The following JAZF1 variants were observed in gnomAD, a reference collection of about 807,000 sequenced individuals.
JAZF1 encodes the protein juxtaposed with another zinc finger protein 1.
Under a neutral mutation model 26.4 loss-of-function variants are expected in JAZF1, and 8 were observed. The observed-to-expected ratio is 0.30, with a 90% CI of 0.18 to 0.55. The LOEUF is 0.55. Ranked by LOEUF, JAZF1 falls within the 20% of genes least tolerant of loss-of-function variation. The pLI is 0.94. For synonymous variants in JAZF1, 126 were observed against 122.3 expected, an observed-to-expected ratio of 1.03 and a Z score of -0.20; for missense variants, 199 against 322.0, an observed-to-expected ratio of 0.62 and a Z score of 2.92.
intron 2 of JAZF1, among the ~76,000 whole-genome samples, chr7:27,985,910 A>G (rs1785690013): frequency 6.6e-6 from 1 of 152,212 alleles, no homozygotes; most frequent in Non-Finnish European, 1.5e-5. Flanking sequence ...ACAGCCCTTT[A>G]TGCTAAAAAC....
At chr7:27,883,230 C>T (rs967000334) in intron 3 of JAZF1, among the ~76,000 whole-genome samples, 1 of 152,032 alleles carries the variant, frequency 6.6e-6, no homozygotes. Flanking sequence ...TTTTTTTGGC[C>T]AATGCAGAGA....
intron 3 of JAZF1, among the ~76,000 whole-genome samples, chr7:27,855,936 C>T (rs949675744): frequency 1.3e-5 from 2 of 152,188 alleles, no homozygotes; most frequent in African/African-American, 2.4e-5. Context: ...GCCAACGTCC[C>T]TGTTGAACAT....
chr7:27,843,810 T>G (rs559164299), intron 3 of JAZF1: 13 of 152,368 alleles, frequency 8.5e-5, no homozygotes, highest in Middle Eastern at 3.4e-3. Context: ...CTGTGTGCAC[T>G]AAGGCTGTTG....
At chr7:28,094,069 C>A (rs1042891599) in intron 1 of JAZF1, among the ~76,000 whole-genome samples, 2 of 152,170 alleles carry the variant, frequency 1.3e-5, no homozygotes, top group African/African-American at 4.8e-5. Flanking sequence ...TTATTTCAGA[C>A]AGTGATAAAT....
chr7:28,126,303 A>G (rs1782691938), intron 1 of JAZF1, among the ~76,000 whole-genome samples: 2 of 152,236 alleles, frequency 1.3e-5, no homozygotes, highest in South Asian at 4.1e-4. Context: ...TGAATTAGAA[A>G]AAGTTCCTAC....
At chr7:28,004,385 T>C (rs569030499) in intron 1 of JAZF1, among the ~76,000 whole-genome samples, 8 of 151,374 alleles carry the variant, frequency 5.3e-5, no homozygotes, top group African/African-American at 1.5e-4. Context: ...TGCCCATTAT[T>C]ATCACCTGGG....
intron 2 of JAZF1, among the ~76,000 whole-genome samples, chr7:27,929,211 T>C (rs1227047976): frequency 6.6e-6 from 1 of 151,796 alleles, no homozygotes; most frequent in African/African-American, 2.4e-5. Flanking sequence ...TATTTAGTGG[T>C]TAAAATATTT....
intron 1 of JAZF1, among the ~76,000 whole-genome samples, chr7:28,103,057 G>A (rs78869147): frequency 3.3e-5 from 5 of 152,116 alleles, no homozygotes; most frequent in African/African-American, 1.2e-4. Flanking sequence ...TGCCCCAGTG[G>A]CAACACTTGC....
At chr7:28,160,650 A>C (rs1783270247) in intron 1 of JAZF1, among the ~76,000 whole-genome samples, 2 of 151,660 alleles carry the variant, frequency 1.3e-5, no homozygotes, top group African/African-American at 4.9e-5. Context: ...CCATCTCATC[A>C]GAAGGTGGCC....
chr7:27,876,800 G>A (rs556200227), intron 3 of JAZF1, among the ~76,000 whole-genome samples: 31 of 152,250 alleles, frequency 2.0e-4, no homozygotes, highest in African/African-American at 7.5e-4. Context: ...TCAGAGGATG[G>A]AACTGGGCGG....
intron 3 of JAZF1, among the ~76,000 whole-genome samples, chr7:27,888,902 G>C (rs1335873077): frequency 6.6e-6 from 1 of 152,106 alleles, no homozygotes; most frequent in African/African-American, 2.4e-5. Flanking sequence ...GATGCTATTA[G>C]AACCAGAAAC....
At chr7:27,861,650 G>C (rs1783383337) in intron 3 of JAZF1, among the ~76,000 whole-genome samples, 1 of 151,546 alleles carries the variant, frequency 6.6e-6, no homozygotes, top group Non-Finnish European at 1.5e-5. Flanking sequence ...TCTCCGGTGT[G>C]CCTTTTTTCC....
chr7:27,950,360 G>A (rs1214248045), intron 2 of JAZF1, among the ~76,000 whole-genome samples: 3 of 152,174 alleles, frequency 2.0e-5, no homozygotes, highest in African/African-American at 7.2e-5. Context: ...TCAAGCTCCA[G>A]GTGGCCCAGT....
At chr7:28,108,179 C>T (rs1351529032) in intron 1 of JAZF1, among the ~76,000 whole-genome samples, 1 of 152,246 alleles carries the variant, frequency 6.6e-6, no homozygotes, top group Admixed American at 6.5e-5. Context: ...ATTTCCTCAG[C>T]CCTTGCTCTG....
intron 2 of JAZF1, among the ~76,000 whole-genome samples, chr7:27,942,348 A>G (rs765340458): frequency 1.3e-5 from 2 of 152,226 alleles, no homozygotes; most frequent in Non-Finnish European, 2.9e-5. Flanking sequence ...TCCCCTTTGT[A>G]GGTACAAATG....
chr7:27,930,639 T>A (rs1188292032), intron 2 of JAZF1, among the ~76,000 whole-genome samples: 1 of 152,210 alleles, frequency 6.6e-6, no homozygotes, highest in African/African-American at 2.4e-5. Flanking sequence ...AAGACTAAAC[T>A]TTTCTTCATG....
rs558786095 is a variant in JAZF1, at chr7:28,081,661, G to A, written c.116-89680C>T. 3.9e-5 allele frequency among the ~76,000 whole-genome samples: 6 copies of A among 152,240 alleles called. No homozygotes were observed. In the East Asian group the frequency reaches 7.7e-4, roughly 20 times the overall value. On this transcript the variant is annotated intron_variant, in intron 1 of 4. Transcript: ENST00000283928. The stretch of plus-strand genomic sequence containing the variant: ...AGAAGCCTCGACACCACCAGAGAGC[G>A]AAGTGGGACAAGACCCCAGGGAAGA...
At chr7:28,116,554 C>A (rs1460487980) in intron 1 of JAZF1, among the ~76,000 whole-genome samples, 2 of 152,080 alleles carry the variant, frequency 1.3e-5, no homozygotes, top group African/African-American at 4.8e-5. Flanking sequence ...AAGCAATTCT[C>A]CTGCCTCAGC....
intron 1 of JAZF1, among the ~76,000 whole-genome samples, chr7:28,110,520 G>GAA (rs70977016): frequency 1.7e-5 from 1 of 60,150 alleles, no homozygotes; most frequent in Non-Finnish European, 3.3e-5. Context: ...AAAGGAAAAG[G>GAA]AAAAGGAAAA....
Sources: gnomAD v4.1 joint callset for allele counts (sites outside exome capture counted in the v4.1 genomes callset) on GRCh38, gnomAD v4.1.1 for gene constraint, MANE v1.5 for transcripts, NCBI Gene and HGNC (gene_info 2026-07-23, HGNC 2026-07-21) for gene names.